Variants in NAV1 observed in about 807,000 individuals in gnomAD.
NAV1 encodes the protein pore membrane and/or filament interacting like protein 3.
A neutral mutation model predicts 175.2 loss-of-function variants in NAV1; 18 were observed. The observed-to-expected ratio is 0.10, with a 90% CI of 0.07 to 0.15. The LOEUF is 0.15. Among genes scored for constraint, NAV1 ranks in the 10% least tolerant of loss-of-function variants. The pLI is 1.00. For synonymous variants in NAV1, 897 were observed against 978.7 expected (o/e 0.92, Z 1.56); for missense variants, 1,731 against 2,436.6 (o/e 0.71, Z 6.10).
intron 1 of NAV1, among the ~76,000 whole-genome samples, chr1:201,573,926 C>T (rs929482586): frequency 1.3e-5 from 2 of 152,134 alleles, no homozygotes; most frequent in Middle Eastern, 3.4e-3. Context: ...CACGGTGGCA[C>T]GTGCCTGTAG....
At chr1:201,645,502 G>T (rs1668947504), upstream of NAV1, among the ~76,000 whole-genome samples, 1 of 151,876 alleles carries the variant, frequency 6.6e-6, no homozygotes, top group South Asian at 2.1e-4. Context: ...GTATATGTAT[G>T]TAACAAACCT....
chr1:201,561,407 C>T (rs1666195507), intron 1 of NAV1, among the ~76,000 whole-genome samples: 1 of 152,194 alleles, frequency 6.6e-6, no homozygotes, highest in East Asian at 1.9e-4. Flanking sequence ...GGGAGCTGCA[C>T]AGATCTGAGT....
chr1:201,680,514 AT>A (rs761068840), intron 1 of NAV1, among the ~76,000 whole-genome samples: 3 of 152,126 alleles, frequency 2.0e-5, no homozygotes, highest in African/African-American at 7.2e-5. Context: ...CTCAAAAAAA[AT>A]AATAACAAAT....
chr1:201,751,342 A>T (rs1674092733), intron 3 of NAV1, among the ~76,000 whole-genome samples: 1 of 152,220 alleles, frequency 6.6e-6, no homozygotes, highest in African/African-American at 2.4e-5. Context: ...CACTGAAGAG[A>T]TAAAGCACCT....
chr1:201,817,402 T>A, intron 29 of NAV1, 117 bp downstream of exon 33: 1 of 963,028 alleles, frequency 1.0e-6, no homozygotes, highest in Non-Finnish European at 1.5e-6. Context: ...GGGAGGATTG[T>A]TTGAGTTCAA....
At chr1:201,601,311 G>C (rs1003182187) in intron 2 of NAV1, among the ~76,000 whole-genome samples, 1 of 152,140 alleles carries the variant, frequency 6.6e-6, no homozygotes, top group African/African-American at 2.4e-5. Context: ...GTGAGATCCT[G>C]ACTCTATCAC....
chr1:201,715,219 T>C (rs1672090284), intron 2 of NAV1, among the ~76,000 whole-genome samples: 1 of 151,412 alleles, frequency 6.6e-6, no homozygotes, highest in Non-Finnish European at 1.5e-5. Flanking sequence ...TGGAGTGCCT[T>C]GGCATGATCT....
Position 201,808,892 on chromosome 1 carries a change from T to A in NAV1, c.4207+21T>A, listed in dbSNP as rs761352469. 14 of 1,601,404 alleles carry A rather than the reference T, an allele frequency of 8.7e-6. No individual in the cohort carries two copies. Among genetic ancestry groups the A allele is most frequent in the South Asian group, 1.1e-5 (1 of 89,988 alleles). ...CACAGGTACCTGTGTGGGAGAAGAA[T>A]CTATAAGGGTGAAGGGAAGAAAAGG... On this transcript the variant is annotated intron_variant, in intron 20 of 29. Transcript: ENST00000367296. The surrounding 1 kb of genome is among the most constrained non-coding windows in gnomAD (Gnocchi z 5.5).
In NAV1 at chr1:201,808,631, C is replaced by T; in HGVS notation, c.4038+21C>T. ...TGCAGGTCAGTGTCTGGGCGGACAG[C>T]TGCAGGAAAGGGAAGACCAAGGCTT... On this transcript the variant is annotated intron_variant, in intron 19 of 29. Transcript: ENST00000367296. The surrounding 1 kb of genome is among the most constrained non-coding windows in gnomAD (Gnocchi z 5.5). 1 of 1,614,238 alleles carries T rather than the reference C, an allele frequency of 6.2e-7. No individual in the cohort carries two copies. The highest frequency in any genetic ancestry group is 8.5e-7 in the Non-Finnish European group (1 of 1,180,044).
chr1:201,751,482 A>C (rs1674103662), intron 3 of NAV1, among the ~76,000 whole-genome samples: 1 of 152,240 alleles, frequency 6.6e-6, no homozygotes, highest in Non-Finnish European at 1.5e-5. Context: ...GGTATGAGAC[A>C]GTTTAGAGAG....
exon 30 of NAV1, chr1:201,822,797 C>T (rs1317509183): frequency 6.6e-6 from 1 of 152,634 alleles, no homozygotes; most frequent in African/African-American, 2.4e-5. Flanking sequence ...CATCTGGGCC[C>T]CTCACTGTGG....
chr1:201,804,106 G>T (rs1346527726), intron 16 of NAV1: 1 of 449,536 alleles, frequency 2.2e-6, no homozygotes, highest in Non-Finnish European at 4.2e-6. Flanking sequence ...TAGACTCCTG[G>T]AGGTCATTTC....
exon 30 of NAV1, chr1:201,824,198 C>T (rs1440081366): frequency 1.3e-5 from 2 of 152,168 alleles, no homozygotes; most frequent in Non-Finnish European, 2.9e-5. Context: ...TTCCTTGGCA[C>T]TGACTAAGCT....
At chr1:201,714,943 G>A (rs1672074303) in intron 2 of NAV1, among the ~76,000 whole-genome samples, 1 of 152,148 alleles carries the variant, frequency 6.6e-6, no homozygotes, top group Non-Finnish European at 1.5e-5. Context: ...AGTGGGAAAG[G>A]GGAGGCTTCA....
chr1:201,749,934 G>C (rs899260211), intron 3 of NAV1, among the ~76,000 whole-genome samples: 3 of 152,136 alleles, frequency 2.0e-5, no homozygotes, highest in Non-Finnish European at 4.4e-5. Context: ...GAAAGAAAAG[G>C]CATGTTGCTG....
Position 201,808,789 on chromosome 1 carries a change from T to C in NAV1, c.4125T>C (p.Pro1375=). Residue 1375 remains proline, a synonymous_variant, in exon 20 of 30, where the codon CCT becomes CCC. Coordinates refer to ENST00000367296, the Ensembl canonical transcript of NAV1. This position sits in a 1 kb window ranked among gnomAD's most constrained non-coding sequence, Gnocchi z 5.5. ...CAGGCTCCACTCCAGGGCAGGTCCC[T>C]GGATCATCTGCATTATCTTCCCCAC... 1 of 1,614,156 alleles carries C rather than the reference T, an allele frequency of 6.2e-7. No individual in the cohort carries two copies. Among genetic ancestry groups the C allele is most frequent in the Non-Finnish European group, 8.5e-7 (1 of 1,180,030 alleles).
intron 2 of NAV1, among the ~76,000 whole-genome samples, chr1:201,589,167 A>G (rs766967617): frequency 6.6e-6 from 1 of 152,168 alleles, no homozygotes; most frequent in Non-Finnish European, 1.5e-5. Context: ...GGATTTTATT[A>G]TATTTGAATC....
intron 1 of NAV1, among the ~76,000 whole-genome samples, chr1:201,684,684 A>T (rs1194952973): frequency 6.6e-6 from 1 of 151,950 alleles, no homozygotes; most frequent in Non-Finnish European, 1.5e-5. Flanking sequence ...CATGTTGGCC[A>T]GGCTGGTCTC....
chr1:201,793,909 T>TGTGGGGGGGGGGGGGGGCCC (rs1677271406), intron 14 of NAV1, 34 bp downstream of exon 18: 9 of 516,456 alleles, frequency 1.7e-5, no homozygotes, highest in East Asian at 5.7e-5. Flanking sequence ...GAGGGGTGGG[T>TGTGGGGGGGGGGGGGGGCCC]GCGGCGAGGG....
Sources: allele counts gnomAD v4.1 joint callset (sites outside exome capture counted in the v4.1 genomes callset), GRCh38; gene constraint gnomAD v4.1.1; non-coding constraint Gnocchi (gnomAD v3.1); transcripts MANE v1.5; gene names NCBI Gene and HGNC (gene_info 2026-07-23, HGNC 2026-07-21).